LRP1B: variants seen among roughly 807,000 people sequenced by gnomAD.
LRP1B encodes the protein LDL receptor related protein 1B.
In LRP1B, 217 loss-of-function variants were observed where a neutral mutation model predicts 556.6. That is an observed-to-expected ratio of 0.39 (90% CI 0.35 to 0.44). The LOEUF (loss-of-function observed/expected upper bound fraction) is 0.44. Ranked by LOEUF, LRP1B falls within the 20% of genes least tolerant of loss-of-function variation. LRP1B has a pLI of 1.00. For synonymous variants in LRP1B, 2,047 were observed against 1,865.8 expected, an observed-to-expected ratio of 1.10 and a Z score of -2.50; for missense variants, 5,053 against 5,620.8, an observed-to-expected ratio of 0.90 and a Z score of 3.23.
At chr2:140,747,016 G>A (rs1471338202) in intron 35 of LRP1B, among the ~76,000 whole-genome samples, 1 of 152,100 alleles carries the variant, frequency 6.6e-6, no homozygotes, top group Non-Finnish European at 1.5e-5. Context: ...CAAAATACAT[G>A]TAGTCTAAAC....
At chr2:141,464,599 TA>T (rs200633065) in intron 3 of LRP1B, among the ~76,000 whole-genome samples, 10 of 55,080 alleles carry the variant, frequency 1.8e-4, no homozygotes, top group South Asian at 6.1e-4. Flanking sequence ...TATATATATA[TA>T]TATATATTTT....
rs563765686 is a variant in LRP1B, at chr2:141,188,557, G to A, written c.877C>T (p.Leu293Phe). 21 of 1,612,368 alleles carry A rather than the reference G, an allele frequency of 1.3e-5. No homozygotes were observed. The highest frequency in any genetic ancestry group is 1.8e-5 in the Non-Finnish European group (21 of 1,179,046). The change falls in exon 7 of 91, where the codon CTC becomes TTC. Residue 293 changes from leucine to phenylalanine, a missense_variant. By Grantham distance (22) the Leu-to-Phe change is conservative (BLOSUM62 0). Transcript: ENST00000389484. ...TCCACAAAATAGAGATTTCGAGTGA[G>A]CCAGTCAATCGCCATTTGTTGCACA... is the stretch of plus-strand genomic sequence containing the variant. ...HNVQQMAIDWLTRNLYFVDHV... is the reference protein window; with the variant it reads ...HNVQQMAIDWFTRNLYFVDHV...
At chr2:141,620,470 A>G (rs1391783837) in intron 2 of LRP1B, among the ~76,000 whole-genome samples, 1 of 152,226 alleles carries the variant, frequency 6.6e-6, no homozygotes, top group African/African-American at 2.4e-5. Context: ...TTAAATAGAA[A>G]TGGCATGTAG....
chr2:140,569,919 A>G (rs1681260556), intron 43 of LRP1B, among the ~76,000 whole-genome samples: 1 of 151,852 alleles, frequency 6.6e-6, no homozygotes, highest in South Asian at 2.1e-4. Flanking sequence ...ATTAAACAAC[A>G]TGCTCCTGAA....
At chr2:140,393,740 G>A (rs1415545231) in intron 66 of LRP1B, among the ~76,000 whole-genome samples, 2 of 152,084 alleles carry the variant, frequency 1.3e-5, no homozygotes, top group East Asian at 3.8e-4. Flanking sequence ...TTCAATCATG[G>A]CAGCTCCTTT....
chr2:141,170,614 C>T (rs1680464200), intron 7 of LRP1B, among the ~76,000 whole-genome samples: 1 of 152,024 alleles, frequency 6.6e-6, no homozygotes, highest in African/African-American at 2.4e-5. Context: ...TTCATTACAA[C>T]AATGGTAAGA....
At chr2:140,289,311 A>G (rs993960099) in intron 84 of LRP1B, among the ~76,000 whole-genome samples, 2 of 151,978 alleles carry the variant, frequency 1.3e-5, no homozygotes, top group African/African-American at 4.8e-5. Flanking sequence ...GCTTTATCTA[A>G]CTTTTACTCT....
chr2:141,357,806 G>A (rs1688680400), intron 3 of LRP1B, among the ~76,000 whole-genome samples: 1 of 151,954 alleles, frequency 6.6e-6, no homozygotes, highest in Non-Finnish European at 1.5e-5. Flanking sequence ...TATATTTTTT[G>A]GTTCATTAAT....
intron 2 of LRP1B, among the ~76,000 whole-genome samples, chr2:141,613,899 C>T (rs914601605): frequency 5.3e-5 from 8 of 151,462 alleles, no homozygotes; most frequent in Admixed American, 1.3e-4. Context: ...ATGGTGAAAC[C>T]TGATCTCTAC....
At chr2:140,442,234 TAAG>T (rs1341145580) in intron 66 of LRP1B, among the ~76,000 whole-genome samples, 3 of 152,200 alleles carry the variant, frequency 2.0e-5, no homozygotes. Flanking sequence ...TACTCTAATA[TAAG>T]AAGATAATGG....
At chr2:141,821,815 T>C (rs1696760560) in intron 1 of LRP1B, among the ~76,000 whole-genome samples, 1 of 152,100 alleles carries the variant, frequency 6.6e-6, no homozygotes, top group African/African-American at 2.4e-5. Flanking sequence ...ACATCTTATA[T>C]AAAACCGAGA....
rs146340742 is a variant in LRP1B, at chr2:141,544,982, C to T, written c.206-64449G>A. 1.1e-4 allele frequency among the ~76,000 whole-genome samples: 16 copies of T among 152,132 alleles called. No homozygotes were observed. In the East Asian group the frequency reaches 2.1e-3, roughly 20 times the overall value. On this transcript the variant is annotated intron_variant, in intron 2 of 90. Coordinates refer to ENST00000389484, the MANE Select transcript of LRP1B (RefSeq NM_018557.3). ...TACAGAGCCAAACCATATCATTCCC[C>T]GTTAAGTGTTTAAATTTATTATCTC...
chr2:141,558,491 T>G (rs1686038830), intron 2 of LRP1B, among the ~76,000 whole-genome samples: 1 of 151,818 alleles, frequency 6.6e-6, no homozygotes, highest in Non-Finnish European at 1.5e-5. Flanking sequence ...TGGGATTCTC[T>G]ATACATTCTT....
chr2:141,299,033 G>T (rs1382117762), intron 3 of LRP1B, among the ~76,000 whole-genome samples: 2 of 151,318 alleles, frequency 1.3e-5, no homozygotes, highest in Non-Finnish European at 2.9e-5. Context: ...TGTTCTGTCA[G>T]TCCATATAGT....
At chr2:140,902,049 C>A (rs1694120381) in intron 23 of LRP1B, among the ~76,000 whole-genome samples, 1 of 152,126 alleles carries the variant, frequency 6.6e-6, no homozygotes, top group Admixed American at 6.6e-5. Flanking sequence ...TCAGCAAATT[C>A]ATAGTTGCTG....
chr2:140,370,639 CT>C (rs1682953053), intron 71 of LRP1B, 70 bp downstream of exon 71: 1 of 1,572,042 alleles, frequency 6.4e-7, no homozygotes, highest in African/African-American at 1.4e-5. Flanking sequence ...CTAGCATACA[CT>C]GTATATTCTG....
At chr2:141,446,176 C>A (rs1243454806) in intron 3 of LRP1B, among the ~76,000 whole-genome samples, 1 of 151,962 alleles carries the variant, frequency 6.6e-6, no homozygotes, top group Admixed American at 6.6e-5. Context: ...TATGTAATGC[C>A]TTTTTTGATC....
chr2:140,839,942 AC>A (rs1282531713), intron 31 of LRP1B, 48 bp downstream of exon 31: 1 of 1,080,704 alleles, frequency 9.3e-7, no homozygotes, highest in African/African-American at 1.6e-5. Context: ...TTGTACAAGT[AC>A]AGGTTTGTCA....
intron 68 of LRP1B, 79 bp from the exon 69 acceptor site, chr2:140,373,216 T>C: frequency 1.6e-6 from 2 of 1,273,476 alleles, no homozygotes; most frequent in Admixed American, 2.2e-5. Flanking sequence ...AGAAAACTTA[T>C]GTACAGAAAA....
Sources: allele counts gnomAD v4.1 joint callset (sites outside exome capture counted in the v4.1 genomes callset), GRCh38; gene constraint gnomAD v4.1.1; transcripts MANE v1.5; gene names NCBI Gene and HGNC (gene_info 2026-07-23, HGNC 2026-07-21).